CAST: variants seen among roughly 807,000 people sequenced by gnomAD.
CAST encodes the protein MIR583 host.
CAST carries 76 observed loss-of-function variants against 119.6 expected under a neutral mutation model. The observed-to-expected ratio is 0.64, with a 90% confidence interval of 0.53 to 0.77. CAST has a LOEUF of 0.77. CAST is among the 30% of genes least tolerant of loss of function. The pLI is 0.00. For missense variants in CAST, 953 were observed against 946.5 expected (o/e 1.01, Z -0.09); for synonymous variants, 319 against 331.6 (o/e 0.96, Z 0.41).
intron 22 of CAST, among the ~76,000 whole-genome samples, chr5:96,756,860 C>A (rs1249665371): frequency 1.3e-5 from 2 of 152,210 alleles, no homozygotes; most frequent in Non-Finnish European, 2.9e-5. Flanking sequence ...AAATGTGGCA[C>A]TTGGAGTCAT....
the CAST span, among the ~76,000 whole-genome samples, chr5:96,368,923 C>T: frequency 6.6e-6 from 1 of 152,026 alleles, no homozygotes; most frequent in Non-Finnish European, 1.5e-5. Context: ...CATTTTGTTC[C>T]TAAAGCTTGG....
the CAST span, among the ~76,000 whole-genome samples, chr5:96,053,513 AAG>A: frequency 9.2e-5 from 14 of 152,186 alleles, no homozygotes; most frequent in African/African-American, 2.9e-4. Context: ...GATGAATAGA[AAG>A]ACTGCATTAC....
the CAST span, among the ~76,000 whole-genome samples, chr5:96,210,473 A>C: frequency 6.6e-6 from 1 of 151,986 alleles, no homozygotes; most frequent in Admixed American, 6.6e-5. Context: ...TTGCTTTTGC[A>C]CCTTCATCAA....
chr5:96,550,193 G>A (rs982482536), intron 1 of CAST, among the ~76,000 whole-genome samples: 1 of 152,158 alleles, frequency 6.6e-6, no homozygotes, highest in Non-Finnish European at 1.5e-5. Context: ...GCACCCTTCT[G>A]GAATGAAGCC....
the CAST span, among the ~76,000 whole-genome samples, chr5:96,112,981 T>C: frequency 6.6e-6 from 1 of 152,234 alleles, no homozygotes; most frequent in East Asian, 1.9e-4. Context: ...TAAAAAATTA[T>C]GTCAGGGACC....
At chr5:96,548,654 C>T (rs999660186) in intron 1 of CAST, among the ~76,000 whole-genome samples, 2 of 152,110 alleles carry the variant, frequency 1.3e-5, no homozygotes, top group Non-Finnish European at 2.9e-5. Flanking sequence ...CAATACTCTG[C>T]CTACAAAGGG....
At chr5:96,393,155 G>A in the CAST span, 2 of 1,614,186 alleles carry the variant, frequency 1.2e-6, no homozygotes, top group Non-Finnish European at 1.7e-6. Flanking sequence ...CTTTTCCAGG[G>A]CTTCGTAGAA....
chr5:96,709,719 C>T (rs530444685), intron 3 of CAST, among the ~76,000 whole-genome samples: 183 of 152,326 alleles, frequency 1.2e-3, no homozygotes, highest in African/African-American at 4.4e-3. Flanking sequence ...TATCACTCTA[C>T]ACATGTTTTC....
At chr5:96,091,801 GC>G in the CAST span, among the ~76,000 whole-genome samples, 2 of 152,108 alleles carry the variant, frequency 1.3e-5, no homozygotes, top group Admixed American at 1.3e-4. Flanking sequence ...ATCGTACCTG[GC>G]CCTGAATCTC....
At chr5:96,103,620 T>C in the CAST span, among the ~76,000 whole-genome samples, 2 of 151,882 alleles carry the variant, frequency 1.3e-5, no homozygotes, top group South Asian at 4.2e-4. Flanking sequence ...TTTGGGTTGT[T>C]TCCAAGTCTT....
At chr5:96,233,843 T>C in the CAST span, among the ~76,000 whole-genome samples, 2 of 152,192 alleles carry the variant, frequency 1.3e-5, no homozygotes, top group South Asian at 2.1e-4. Flanking sequence ...TATCTTCGTG[T>C]ATAATCAGAC....
chr5:96,065,594 A>AT, the CAST span, among the ~76,000 whole-genome samples: 2 of 152,120 alleles, frequency 1.3e-5, no homozygotes, highest in African/African-American at 4.8e-5. Flanking sequence ...AAGTGATAGG[A>AT]TTTTTTTAAA....
At chr5:96,317,698 G>T in the CAST span, among the ~76,000 whole-genome samples, 1 of 152,142 alleles carries the variant, frequency 6.6e-6, no homozygotes, top group Middle Eastern at 3.4e-3. Context: ...ACATCCTATT[G>T]CATGCAGCAA....
At chr5:95,992,496 A>G in the CAST span, among the ~76,000 whole-genome samples, 1 of 152,130 alleles carries the variant, frequency 6.6e-6, no homozygotes, top group East Asian at 1.9e-4. Context: ...TGCACAAAAT[A>G]CGTGATCAAT....
At chr5:96,386,913 C>T in the CAST span, among the ~76,000 whole-genome samples, 1,470 of 151,968 alleles carry the variant, frequency 9.7e-3, 30 homozygotes, top group African/African-American at 0.034. Flanking sequence ...TGCAGTGAGC[C>T]GAGATCATAC....
chr5:96,389,887 A>T, the CAST span, among the ~76,000 whole-genome samples: 2 of 152,132 alleles, frequency 1.3e-5, no homozygotes, highest in Non-Finnish European at 2.9e-5. Flanking sequence ...GTGAGCCATG[A>T]TCATGCCATT....
chr5:96,353,602 A>G, the CAST span, among the ~76,000 whole-genome samples: 1 of 151,500 alleles, frequency 6.6e-6, no homozygotes, highest in African/African-American at 2.5e-5. Flanking sequence ...CCTGAATAGA[A>G]CAAAAGGACA....
At chr5:96,008,453 T>C in the CAST span, among the ~76,000 whole-genome samples, 1 of 152,222 alleles carries the variant, frequency 6.6e-6, no homozygotes, top group Non-Finnish European at 1.5e-5. Context: ...ACTGTATGTA[T>C]ATGTCATTTT....
chr5:96,589,090 CA>C (rs750220485), intron 1 of CAST, among the ~76,000 whole-genome samples: 1 of 147,720 alleles, frequency 6.8e-6, no homozygotes, highest in Non-Finnish European at 1.5e-5. Flanking sequence ...CCTTCCTTCC[CA>C]AAACAGTTTC....
Sources: gnomAD v4.1 joint callset for allele counts (sites outside exome capture counted in the v4.1 genomes callset) on GRCh38, gnomAD v4.1.1 for gene constraint, MANE v1.5 for transcripts, NCBI Gene and HGNC (gene_info 2026-07-23, HGNC 2026-07-21) for gene names.